PSKH1: variants seen among roughly 807,000 people sequenced by gnomAD.
PSKH1 encodes the protein protein serine kinase H1.
Under a neutral mutation model 26.7 loss-of-function variants are expected in PSKH1, and 12 were observed. That is an observed-to-expected ratio of 0.45 (90% CI 0.29 to 0.73). The LOEUF (loss-of-function observed/expected upper bound fraction) is 0.73, where lower values mean the gene tolerates loss of function less well. PSKH1 is among the 30% of genes least tolerant of loss of function. PSKH1 has a pLI of 0.11. For missense variants in PSKH1, 431 were observed against 595.2 expected (o/e 0.72, Z 2.87); for synonymous variants, 213 against 234.3 (o/e 0.91, Z 0.83).
intron 2 of PSKH1, among the ~76,000 whole-genome samples, chr16:67,911,682 C>T (rs922434925): frequency 6.6e-6 from 1 of 152,052 alleles, no homozygotes; most frequent in South Asian, 2.1e-4. Context: ...AACTCTGTCC[C>T]CCCCAAAAAA....
At chr16:67,922,874 G>A (rs879370749) in intron 2 of PSKH1, among the ~76,000 whole-genome samples, 4 of 152,194 alleles carry the variant, frequency 2.6e-5, no homozygotes, top group East Asian at 1.9e-4. Flanking sequence ...GTCTAGGGCC[G>A]CCCTGTAAGC....
intron 1 of PSKH1, among the ~76,000 whole-genome samples, chr16:67,898,512 GAGTGTTGGGATTAT>G (rs751833546): frequency 5.9e-5 from 9 of 152,058 alleles, no homozygotes; most frequent in Non-Finnish European, 1.3e-4. Context: ...CTGGCCCCCA[GAGTGTTGGGATTAT>G]AGTTGTGTGC....
At chr16:67,922,264 C>T (rs2058204646) in intron 2 of PSKH1, among the ~76,000 whole-genome samples, 1 of 152,178 alleles carries the variant, frequency 6.6e-6, no homozygotes, top group African/African-American at 2.4e-5. Context: ...TGTCATGCTG[C>T]TTTCCTGAGT....
chr16:67,916,964 T>C (rs1052275675), intron 2 of PSKH1, among the ~76,000 whole-genome samples: 7 of 152,144 alleles, frequency 4.6e-5, no homozygotes, highest in African/African-American at 1.7e-4. Context: ...CCCCACTCCC[T>C]GCACACCACA....
Position 67,928,299 on chromosome 16 carries a change from A to C in PSKH1, c.*657A>C, listed in dbSNP as rs1008695947. 1.3e-5 allele frequency: 2 copies of C among 152,112 alleles called. No homozygotes were observed. The highest frequency in any genetic ancestry group is 4.9e-5 in the African/African-American group (2 of 41,224). 9.4% of individuals were successfully genotyped at this position (152,112 alleles called of 1,614,324 possible). A position where few individuals can be genotyped will look rare whatever the true frequency, so the allele number is the denominator to read the frequency against. On this transcript the variant is annotated 3_prime_UTR_variant, in exon 3 of 3. Coordinates refer to ENST00000291041, the MANE Select transcript of PSKH1 (RefSeq NM_006742.3). This position sits in a 1 kb window ranked among gnomAD's most constrained non-coding sequence, Gnocchi z 4.8. ...GTGGAGGGCCATGGCGTGGACCTTCACCCTTCTGGACTGTGTGGCCATGCT... is the reference window on the plus strand; with the variant it reads ...GTGGAGGGCCATGGCGTGGACCTTCCCCCTTCTGGACTGTGTGGCCATGCT...
intron 2 of PSKH1, among the ~76,000 whole-genome samples, chr16:67,919,145 GA>G (rs2058195283): frequency 6.6e-6 from 1 of 152,322 alleles, no homozygotes; most frequent in Admixed American, 6.5e-5. Context: ...GAGAGCAGGA[GA>G]CCAAATGTAT....
rs143327367 is a variant in PSKH1 at position 67,908,031 on chromosome 16, G to A, written c.-70-649G>A. 5.3e-3 allele frequency among the ~76,000 whole-genome samples: 811 copies of A among 152,254 alleles called. 1 individual carries two copies. The highest frequency in any genetic ancestry group is 9.8e-3 in the Non-Finnish European group (664 of 68,020). On this transcript the variant is annotated intron_variant, in intron 1 of 2. Coordinates refer to ENST00000291041, the MANE Select transcript of PSKH1 (RefSeq NM_006742.3). ...TAACATTTTAGAAACATGGGCCTTC[G>A]GCTAGGATAAGGGGCCCAGGCAGAG...
Position 67,909,807 on chromosome 16 carries a change from C to A in PSKH1, c.957+101C>A. ...AGAGGTATGTCCTCAGGGCCATGCT[C>A]GTGAGGGCCAGGCAGGTCATATAAA... On this transcript the variant is annotated intron_variant, in intron 2 of 2. Transcript: ENST00000291041. The surrounding 1 kb of genome is among the most constrained non-coding windows in gnomAD (Gnocchi z 7.8). The A allele has an allele frequency of 1.8e-6, 2 of 1,108,676 alleles. No homozygotes were observed. The highest frequency in any genetic ancestry group is 1.4e-5 in the South Asian group (1 of 69,790). The allele number at this position is 1,108,676 out of a possible 1,614,324, so 68.7% of individuals were successfully genotyped here. A position where few individuals can be genotyped will look rare whatever the true frequency, so the allele number is the denominator to read the frequency against.
intron 2 of PSKH1, among the ~76,000 whole-genome samples, chr16:67,916,005 G>A (rs752576637): frequency 4.6e-5 from 7 of 152,206 alleles, no homozygotes; most frequent in Non-Finnish European, 8.8e-5. Flanking sequence ...CACAGGCCTT[G>A]GCATAGAGCC....
At chr16:67,920,248 CTTTA>C (rs892537804) in intron 2 of PSKH1, among the ~76,000 whole-genome samples, 1 of 152,138 alleles carries the variant, frequency 6.6e-6, no homozygotes, top group African/African-American at 2.4e-5. Flanking sequence ...ATTCTGACCT[CTTTA>C]TTTATTTATT....
chr16:67,893,907 C>T (rs1377598004), intron 1 of PSKH1, among the ~76,000 whole-genome samples: 3 of 152,186 alleles, frequency 2.0e-5, no homozygotes, highest in Non-Finnish European at 2.9e-5. Flanking sequence ...ACTTAGTCCC[C>T]CTCCATAAAG....
intron 2 of PSKH1, among the ~76,000 whole-genome samples, chr16:67,920,827 G>T (rs1051197971): frequency 6.6e-6 from 1 of 152,192 alleles, no homozygotes; most frequent in Non-Finnish European, 1.5e-5. Context: ...GGAGCAGAAG[G>T]CTTAGTCACA....
chr16:67,900,839 G>C (rs190341357), intron 1 of PSKH1, among the ~76,000 whole-genome samples: 1 of 152,214 alleles, frequency 6.6e-6, no homozygotes, highest in East Asian at 1.9e-4. Context: ...GACACTCCTG[G>C]GAAGTCTCTT....
intron 2 of PSKH1, among the ~76,000 whole-genome samples, chr16:67,926,704 G>A (rs530784556): frequency 3.3e-5 from 5 of 152,150 alleles, no homozygotes; most frequent in South Asian, 2.1e-4. Context: ...GAAGTAATGC[G>A]GGCCAGAGGG....
chr16:67,921,593 A>G (rs1364201185), intron 2 of PSKH1, among the ~76,000 whole-genome samples: 4 of 152,126 alleles, frequency 2.6e-5, no homozygotes, highest in Non-Finnish European at 4.4e-5. Context: ...TTAAAAAAAA[A>G]AACAAAAACA....
intron 2 of PSKH1, among the ~76,000 whole-genome samples, chr16:67,924,350 A>G (rs1017688135): frequency 6.6e-6 from 1 of 152,334 alleles, no homozygotes; most frequent in Non-Finnish European, 1.5e-5. Flanking sequence ...GAGAGGGATC[A>G]ATCTGGCTCG....
intron 2 of PSKH1, among the ~76,000 whole-genome samples, chr16:67,926,819 G>A (rs1215192500): frequency 1.3e-5 from 2 of 152,010 alleles, no homozygotes; most frequent in African/African-American, 2.4e-5. Context: ...TCCCCATGCC[G>A]GGAGGCAGAG....
chr16:67,901,774 C>A (rs2058142884), intron 1 of PSKH1, among the ~76,000 whole-genome samples: 1 of 151,926 alleles, frequency 6.6e-6, no homozygotes, highest in African/African-American at 2.4e-5. Flanking sequence ...TCTGGGACTA[C>A]AGGTGCATGC....
intron 1 of PSKH1, among the ~76,000 whole-genome samples, chr16:67,899,396 C>T (rs1354354856): frequency 1.4e-5 from 2 of 138,722 alleles, no homozygotes; most frequent in South Asian, 2.3e-4. Flanking sequence ...AGTGCAGTGG[C>T]GCAATCTCGG....
Sources: allele counts gnomAD v4.1 joint callset (sites outside exome capture counted in the v4.1 genomes callset), GRCh38; gene constraint gnomAD v4.1.1; non-coding constraint Gnocchi (gnomAD v3.1); transcripts MANE v1.5; gene names NCBI Gene and HGNC (gene_info 2026-07-23, HGNC 2026-07-21).